The following SH3BGRL2 variants were observed in gnomAD, a reference collection of about 807,000 sequenced individuals.
The protein encoded by SH3BGRL2 is SH3 domain-binding glutamic acid-rich-like protein 2.
A neutral mutation model predicts 14.8 loss-of-function variants in SH3BGRL2; 21 were observed. The observed-to-expected ratio is 1.42, with a 90% CI of 1.01 to 2.05. The LOEUF is 2.05. Among genes scored for constraint, SH3BGRL2 ranks in the 30% most tolerant of loss-of-function variants. SH3BGRL2 has a pLI of 0.00. For synonymous variants in SH3BGRL2, 50 were observed against 47.8 expected (o/e 1.05, Z -0.19); for missense variants, 147 against 130.8 (o/e 1.12, Z -0.61).
At chr6:79,538,806 T>C in the SH3BGRL2 span, among the ~76,000 whole-genome samples, 1 of 152,228 alleles carries the variant, frequency 6.6e-6, no homozygotes, top group Non-Finnish European at 1.5e-5. Context: ...CTCCAGGCAG[T>C]GTAATCTCAT....
chr6:79,570,003 G>A, the SH3BGRL2 span, among the ~76,000 whole-genome samples: 578 of 152,176 alleles, frequency 3.8e-3, 9 homozygotes, highest in Non-Finnish European at 2.3e-3. Context: ...CTGAGATTAC[G>A]GATAAATTGA....
chr6:79,579,820 G>A, the SH3BGRL2 span, among the ~76,000 whole-genome samples: 2,757 of 152,234 alleles, frequency 0.018, 79 homozygotes, highest in African/African-American at 0.063. Flanking sequence ...AAATGTAAAT[G>A]GGCTAAATGC....
chr6:79,605,150 T>C, the SH3BGRL2 span, among the ~76,000 whole-genome samples: 2 of 152,216 alleles, frequency 1.3e-5, no homozygotes, highest in Admixed American at 6.6e-5. Flanking sequence ...CTTGAAATGC[T>C]CCCTCTAAGA....
At chr6:79,677,737 G>T (rs1582733437) in intron 2 of SH3BGRL2, among the ~76,000 whole-genome samples, 1 of 152,158 alleles carries the variant, frequency 6.6e-6, no homozygotes, top group African/African-American at 2.4e-5. Flanking sequence ...AAAGTTGCTA[G>T]TATCTTTCTC....
chr6:79,592,763 G>A, the SH3BGRL2 span, among the ~76,000 whole-genome samples: 15 of 152,112 alleles, frequency 9.9e-5, no homozygotes, highest in Non-Finnish European at 1.6e-4. Context: ...CATGCATAAC[G>A]TCCTTTAATA....
chr6:79,615,186 C>T, the SH3BGRL2 span, among the ~76,000 whole-genome samples: 1 of 152,052 alleles, frequency 6.6e-6, no homozygotes, highest in Admixed American at 6.6e-5. Context: ...CCATAAGGCC[C>T]CTGGGTTATT....
At chr6:79,601,495 G>A in the SH3BGRL2 span, among the ~76,000 whole-genome samples, 53 of 152,326 alleles carry the variant, frequency 3.5e-4, no homozygotes, top group Admixed American at 1.2e-3. Context: ...CTTGCCTGGT[G>A]AGAAGGAGTT....
chr6:79,699,147 A>T (rs564646781), intron 3 of SH3BGRL2, among the ~76,000 whole-genome samples: 38 of 152,156 alleles, frequency 2.5e-4, no homozygotes, highest in Non-Finnish European at 5.0e-4. Context: ...GTGGTTCTTC[A>T]TCTTGGGTTG....
the SH3BGRL2 span, among the ~76,000 whole-genome samples, chr6:79,572,708 G>A: frequency 5.9e-5 from 9 of 152,168 alleles, no homozygotes; most frequent in East Asian, 3.9e-4. Context: ...CTCGTGATCC[G>A]CCCGCCTTGG....
At chr6:79,555,514 CTG>C in the SH3BGRL2 span, among the ~76,000 whole-genome samples, 1 of 152,078 alleles carries the variant, frequency 6.6e-6, no homozygotes, top group Non-Finnish European at 1.5e-5. Context: ...AACTGACAAA[CTG>C]TTTGTTTTGT....
the SH3BGRL2 span, among the ~76,000 whole-genome samples, chr6:79,538,018 GTTTTTTTTTTTTTTTTTTTT>G: frequency 0.031 from 1,357 of 44,176 alleles, 77 homozygotes; most frequent in African/African-American, 0.1. Context: ...TTGCACACAA[GTTTTTTTTTTTTTTTTTTTT>G]TTTTTTTTTT....
At chr6:79,642,002 G>A (rs576926946) in intron 1 of SH3BGRL2, among the ~76,000 whole-genome samples, 27 of 152,224 alleles carry the variant, frequency 1.8e-4, no homozygotes, top group Admixed American at 1.4e-3. Flanking sequence ...ATAGGTACAT[G>A]GCATGTTGTG....
chr6:79,617,892 G>C, the SH3BGRL2 span, among the ~76,000 whole-genome samples: 1 of 152,230 alleles, frequency 6.6e-6, no homozygotes, highest in African/African-American at 2.4e-5. Flanking sequence ...CTTGGCTACA[G>C]TGATGACACA....
intron 2 of SH3BGRL2, among the ~76,000 whole-genome samples, chr6:79,693,663 T>C (rs1027135260): frequency 6.6e-6 from 1 of 152,222 alleles, no homozygotes; most frequent in African/African-American, 2.4e-5. Context: ...ATTACATTTA[T>C]TGATTTGCAT....
chr6:79,679,516 A>G (rs1769949310), intron 2 of SH3BGRL2, among the ~76,000 whole-genome samples: 2 of 152,014 alleles, frequency 1.3e-5, no homozygotes, highest in Non-Finnish European at 1.5e-5. Flanking sequence ...TTTGTCAGAC[A>G]CATAGTTTGT....
At chr6:79,594,555 T>A in the SH3BGRL2 span, among the ~76,000 whole-genome samples, 1 of 151,946 alleles carries the variant, frequency 6.6e-6, no homozygotes, top group Non-Finnish European at 1.5e-5. Flanking sequence ...GGGTGTCAGA[T>A]CAACTGGTGC....
In SH3BGRL2 at chr6:79,702,719, A is replaced by C. The variant is rs1310080075; in HGVS notation, c.*3210A>C. Reference sequence around the variant, plus strand: ...CGAGGGTGTTGGGAGGACACCACAGATTCATCTCAGACAGTGATCAGGACT... The same window carrying C: ...CGAGGGTGTTGGGAGGACACCACAGCTTCATCTCAGACAGTGATCAGGACT... On this transcript the variant is annotated 3_prime_UTR_variant, in exon 4 of 4. Coordinates refer to ENST00000369838, the MANE Select transcript of SH3BGRL2 (RefSeq NM_031469.4). 6.6e-6 allele frequency: 1 copy of C among 152,232 alleles called. No individual in the cohort carries two copies. Among genetic ancestry groups the C allele is most frequent in the Non-Finnish European group, 1.5e-5 (1 of 68,056 alleles). The allele number at this position is 152,232 out of a possible 1,614,324, so 9.4% of individuals were successfully genotyped here.
intron 2 of SH3BGRL2, among the ~76,000 whole-genome samples, chr6:79,674,888 G>A (rs1248693904): frequency 6.6e-6 from 1 of 152,010 alleles, no homozygotes; most frequent in Non-Finnish European, 1.5e-5. Context: ...TTTAAGCAAG[G>A]GATAATGTCT....
chr6:79,581,922 G>C, the SH3BGRL2 span, among the ~76,000 whole-genome samples: 2 of 152,174 alleles, frequency 1.3e-5, no homozygotes, highest in Non-Finnish European at 1.5e-5. Flanking sequence ...AAGCTGATAA[G>C]CAACTTCAGC....
Sources: gnomAD v4.1 joint callset for allele counts (sites outside exome capture counted in the v4.1 genomes callset) on GRCh38, gnomAD v4.1.1 for gene constraint, MANE v1.5 for transcripts, NCBI Gene and HGNC (gene_info 2026-07-23, HGNC 2026-07-21) for gene names.